COG7: variants seen among roughly 807,000 people sequenced by gnomAD.
COG7 encodes the protein component of oligomeric golgi complex 7.
A neutral mutation model predicts 91.5 loss-of-function variants in COG7; 49 were observed. That is an observed-to-expected ratio of 0.54 (90% CI 0.43 to 0.68). The LOEUF (loss-of-function observed/expected upper bound fraction) is 0.68. COG7 is among the 30% of genes least tolerant of loss of function. The probability of loss-of-function intolerance (pLI) is 0.00; values close to 1 mark genes in which losing one functional copy is unlikely to be tolerated. For missense variants in COG7, 895 were observed against 961.3 expected (o/e 0.93, Z 0.91); for synonymous variants, 365 against 388.7 (o/e 0.94, Z 0.72).
Position 23,393,387 on chromosome 16 carries a change from A to C in COG7, c.1888-40T>G, listed in dbSNP as rs773831972. ...AGCGCTGTTAGCCTGACATTGACAC[A>C]TACGGGTTATTACTTTATGGGTACA... On this transcript the variant is annotated intron_variant, in intron 14 of 16. Coordinates refer to ENST00000307149, the MANE Select transcript of COG7 (RefSeq NM_153603.4). The C allele has an allele frequency of 4.1e-6, 6 of 1,462,906 alleles. No individual in the cohort carries two copies. In the East Asian group the frequency reaches 1.4e-4, roughly 33 times the overall value. 90.6% of individuals were successfully genotyped at this position (1,462,906 alleles called of 1,614,324 possible).
At chr16:23,439,924 A>G (rs1378746311) in intron 4 of COG7, among the ~76,000 whole-genome samples, 3 of 152,174 alleles carry the variant, frequency 2.0e-5, no homozygotes, top group African/African-American at 7.2e-5. Context: ...TTTCCCTAAG[A>G]AAGAGAAGAA....
chr16:23,428,987 C>A (rs1016676862), intron 6 of COG7, among the ~76,000 whole-genome samples: 2 of 151,378 alleles, frequency 1.3e-5, no homozygotes, highest in Non-Finnish European at 2.9e-5. Flanking sequence ...GCCACCACAC[C>A]CAGCCATCTT....
chr16:23,400,587 G>A (rs1270857454), intron 13 of COG7, among the ~76,000 whole-genome samples: 1 of 152,212 alleles, frequency 6.6e-6, no homozygotes, highest in Non-Finnish European at 1.5e-5. Flanking sequence ...ACATGAACAG[G>A]CAGAGGAGAG....
intron 4 of COG7, among the ~76,000 whole-genome samples, chr16:23,440,561 G>C (rs1002590066): frequency 6.6e-6 from 1 of 151,094 alleles, no homozygotes; most frequent in Admixed American, 6.6e-5. Context: ...GGGCTCAAGC[G>C]ATCCTTCTGC....
chr16:23,445,253 T>TGCTTCTGTCTTTAGGGA (rs1056973172), intron 2 of COG7, 89 bp from the exon 3 acceptor site: 3 of 915,880 alleles, frequency 3.3e-6, no homozygotes, highest in Non-Finnish European at 5.5e-6. Flanking sequence ...TATGGTGGCT[T>TGCTTCTGTCTTTAGGGA]GCTTCTGTCT....
chr16:23,426,818 C>CAAA (rs1176659874), intron 6 of COG7, among the ~76,000 whole-genome samples: 9 of 60,230 alleles, frequency 1.5e-4, no homozygotes, highest in East Asian at 9.2e-4. Context: ...AGCAATTGGA[C>CAAA]AAAAAAAAAA....
At chr16:23,400,404 G>T (rs1351041117) in intron 13 of COG7, among the ~76,000 whole-genome samples, 1 of 152,182 alleles carries the variant, frequency 6.6e-6, no homozygotes, top group Non-Finnish European at 1.5e-5. Context: ...AGGGAGCCCA[G>T]ATGGTGACAG....
At position 23,388,818 on chromosome 16, in the gene COG7, G is replaced by GT; in HGVS notation, c.*101dup. The GT allele has an allele frequency of 1.3e-6, 2 of 1,581,974 alleles. No individual in the cohort carries two copies. On this transcript the variant is annotated 3_prime_UTR_variant, in exon 17 of 17. Transcript: ENST00000307149. ...ACCAGCTGAACCAAGTCTTTTTAAAGTAACTTCTGCCCAATCTTGGGCAGA... is the reference window on the plus strand; with the variant it reads ...ACCAGCTGAACCAAGTCTTTTTAAAGTTAACTTCTGCCCAATCTTGGGCAGA...
intron 6 of COG7, among the ~76,000 whole-genome samples, chr16:23,425,945 G>A (rs1963838837): frequency 6.6e-6 from 1 of 152,152 alleles, no homozygotes; most frequent in Admixed American, 6.6e-5. Flanking sequence ...CAGGTGTGGT[G>A]GCTCATGCCT....
At chr16:23,452,518 G>A (rs1047867615) in intron 1 of COG7, among the ~76,000 whole-genome samples, 1 of 152,130 alleles carries the variant, frequency 6.6e-6, no homozygotes, top group Non-Finnish European at 1.5e-5. Flanking sequence ...AGTGAGCTAT[G>A]ATCGAGCCAC....
chr16:23,407,653 T>C (rs978895382), intron 11 of COG7, among the ~76,000 whole-genome samples: 1 of 152,204 alleles, frequency 6.6e-6, no homozygotes, highest in African/African-American at 2.4e-5. Context: ...TCCCTCCAAC[T>C]GGACGGTGAG....
chr16:23,428,605 G>A (rs1596942046), intron 6 of COG7, among the ~76,000 whole-genome samples: 2 of 151,946 alleles, frequency 1.3e-5, no homozygotes, highest in South Asian at 4.2e-4. Flanking sequence ...CCTAATTTTG[G>A]CAAGGATGTG....
At chr16:23,392,345 C>A (rs1489212995) in intron 16 of COG7, 35 bp downstream of exon 16, 1 of 1,613,786 alleles carries the variant, frequency 6.2e-7, no homozygotes, top group East Asian at 2.2e-5. Context: ...CAGGCAAGAG[C>A]TGTCCCTCCC....
chr16:23,439,703 T>G (rs889128114), intron 4 of COG7, among the ~76,000 whole-genome samples: 11 of 152,122 alleles, frequency 7.2e-5, no homozygotes, highest in African/African-American at 2.4e-4. Flanking sequence ...GTAGGAGGAA[T>G]GGACAGTTGC....
rs906682660 is a variant in COG7, at chr16:23,394,636, C to T, written c.1888-1289G>A. Among the ~76,000 whole-genome samples the T allele has an allele frequency of 2.6e-4, 39 of 151,944 alleles. 1 individual carries two copies. Among genetic ancestry groups the T allele is most frequent in the African/African-American group, 7.7e-4 (32 of 41,386 alleles). The stretch of plus-strand genomic sequence containing the variant: ...CTCAATCTGGCCTCACACATGTCTA[C>T]GTAACAGCGGGCTCCTTTCAGGGTG... On this transcript the variant is annotated intron_variant, in intron 14 of 16. Transcript: ENST00000307149.
intron 13 of COG7, among the ~76,000 whole-genome samples, chr16:23,401,443 C>T (rs193080676): frequency 5.3e-5 from 8 of 152,212 alleles, no homozygotes; most frequent in East Asian, 3.9e-4. Flanking sequence ...GGGAAAAGGA[C>T]GGGGGAAGCA....
chr16:23,424,403 A>G (rs181236699), intron 7 of COG7, among the ~76,000 whole-genome samples: 2 of 151,866 alleles, frequency 1.3e-5, no homozygotes, highest in Admixed American at 6.6e-5. Flanking sequence ...GGATAAGCAC[A>G]CTTGCCTCCT....
intron 10 of COG7, 54 bp from the exon 11 acceptor site, chr16:23,410,414 C>T (rs949511124): frequency 2.1e-6 from 3 of 1,397,562 alleles, no homozygotes; most frequent in South Asian, 1.2e-5. Flanking sequence ...CCAGCCTTTA[C>T]AGGACAAACA....
chr16:23,424,082 C>T (rs1025079966), intron 7 of COG7, among the ~76,000 whole-genome samples: 23 of 152,232 alleles, frequency 1.5e-4, no homozygotes, highest in African/African-American at 5.1e-4. Context: ...GGGCAGATCA[C>T]CTGAGGTCAG....
Sources: allele counts gnomAD v4.1 joint callset (sites outside exome capture counted in the v4.1 genomes callset), GRCh38; gene constraint gnomAD v4.1.1; transcripts MANE v1.5; gene names NCBI Gene and HGNC (gene_info 2026-07-23, HGNC 2026-07-21).